PTPN4: variants seen among roughly 807,000 people sequenced by gnomAD.
The protein encoded by PTPN4 is tyrosine-protein phosphatase non-receptor type 4.
PTPN4 carries 49 observed loss-of-function variants against 135.5 expected under a neutral mutation model. The ratio of observed to expected loss-of-function variants is 0.36; its 90% confidence interval spans 0.29 to 0.46. PTPN4 has a LOEUF of 0.46. Ranked by LOEUF, PTPN4 falls within the 20% of genes least tolerant of loss-of-function variation. PTPN4 has a pLI of 1.00. For synonymous variants in PTPN4, 333 were observed against 369.9 expected (o/e 0.90, Z 1.14); for missense variants, 860 against 1,101.0 (o/e 0.78, Z 3.10).
intron 9 of PTPN4, among the ~76,000 whole-genome samples, chr2:119,891,994 C>G (rs1267393707): frequency 6.6e-6 from 1 of 152,156 alleles, no homozygotes; most frequent in African/African-American, 2.4e-5. Flanking sequence ...GACTTCGATT[C>G]TGGCTGCATG....
chr2:119,803,194 C>T (rs115417948), intron 1 of PTPN4, among the ~76,000 whole-genome samples: 1 of 151,810 alleles, frequency 6.6e-6, no homozygotes, highest in Non-Finnish European at 1.5e-5. Context: ...GATTTATGTT[C>T]TTTGTTATTT....
intron 1 of PTPN4, 117 bp downstream of exon 1, chr2:119,760,501 G>A (rs188907106): frequency 9.6e-4 from 371 of 387,168 alleles, no homozygotes; most frequent in African/African-American, 7.1e-3. Context: ...GAGGTACGAG[G>A]ATGATTTGAA....
intron 8 of PTPN4, among the ~76,000 whole-genome samples, chr2:119,884,823 G>A (rs181939171): frequency 7.2e-5 from 11 of 152,232 alleles, no homozygotes; most frequent in African/African-American, 2.6e-4. Flanking sequence ...GAGGAGTCGT[G>A]TTATGATCAT....
chr2:119,771,322 G>C (rs559050581), intron 1 of PTPN4, among the ~76,000 whole-genome samples: 1 of 152,252 alleles, frequency 6.6e-6, no homozygotes, highest in African/African-American at 2.4e-5. Context: ...TTCCTGGCCA[G>C]GGAATTGTGA....
intron 2 of PTPN4, among the ~76,000 whole-genome samples, chr2:119,837,231 T>C (rs1677307998): frequency 6.6e-6 from 1 of 152,194 alleles, no homozygotes; most frequent in Non-Finnish European, 1.5e-5. Context: ...TGTTGGGATT[T>C]ACCAGCTGTG....
Position 119,809,869 on chromosome 2 carries a change from C to G in PTPN4, c.16C>G (p.Arg6Gly), listed in dbSNP as rs1366276778. 5.6e-6 allele frequency: 9 copies of G among 1,609,748 alleles called. No individual in the cohort carries two copies. In the South Asian group the frequency reaches 1.0e-4, roughly 18 times the overall value. ...GTGGACAGTAATGACCTCACGTTTCCGATTGCCTGCTGGCAGAACCTACAA... is the reference window on the plus strand; with the variant it reads ...GTGGACAGTAATGACCTCACGTTTCGGATTGCCTGCTGGCAGAACCTACAA... Reference protein sequence around the residue: MTSRFRLPAGRTYNVR... With the variant: MTSRFGLPAGRTYNVR... Residue 6 changes from arginine to glycine, a missense_variant, in exon 2 of 27, where the codon CGA becomes GGA. Around this residue, in one of 2 missense-constraint regions of PTPN4, gnomAD observed 684 missense variants for 807.0 expected, o/e 0.85. Coordinates refer to ENST00000263708, the MANE Select transcript of PTPN4 (RefSeq NM_002830.4).
In PTPN4 at chr2:119,914,248, A is replaced by ATTTTT. The variant is rs55911315; in HGVS notation, c.765-907_765-903dup. On this transcript the variant is annotated intron_variant, in intron 10 of 26. Coordinates refer to ENST00000263708, the MANE Select transcript of PTPN4 (RefSeq NM_002830.4). ...CATAAATACAGTCAATAGTTACTCA[A>ATTTTT]TTTTTTTTTTTTTTTTTTTTTTTTT... Among the ~76,000 whole-genome samples the ATTTTT allele has an allele frequency of 2.8e-4, 27 of 97,414 alleles. 2 individuals are homozygous for ATTTTT. Among genetic ancestry groups the ATTTTT allele is most frequent in the African/African-American group, 1.3e-3 (23 of 17,054 alleles). 63.9% of individuals were successfully genotyped at this position (97,414 alleles called of 152,430 possible).
At chr2:119,800,856 T>C (rs1301007640) in intron 1 of PTPN4, among the ~76,000 whole-genome samples, 1 of 152,156 alleles carries the variant, frequency 6.6e-6, no homozygotes, top group African/African-American at 2.4e-5. Context: ...GTACCTTTGT[T>C]AAAAATCAGT....
intron 1 of PTPN4, among the ~76,000 whole-genome samples, chr2:119,788,509 G>T (rs1691084641): frequency 1.3e-5 from 2 of 152,028 alleles, no homozygotes; most frequent in Admixed American, 1.3e-4. Context: ...GTAGTAGTAG[G>T]TACATTCACA....
chr2:119,770,171 C>T (rs1690708402), intron 1 of PTPN4, among the ~76,000 whole-genome samples: 2 of 152,154 alleles, frequency 1.3e-5, no homozygotes, highest in South Asian at 4.1e-4. Flanking sequence ...ATAAGACATG[C>T]TCTTTATCAT....
chr2:119,814,028 G>A (rs1417976304), intron 2 of PTPN4, among the ~76,000 whole-genome samples: 4 of 152,004 alleles, frequency 2.6e-5, no homozygotes, highest in African/African-American at 9.7e-5. Flanking sequence ...ATGTATATGT[G>A]TGTGTATGTG....
intron 25 of PTPN4, 71 bp from the exon 26 acceptor site, chr2:119,967,766 T>A (rs1412359113): frequency 3.9e-6 from 5 of 1,271,496 alleles, no homozygotes; most frequent in Non-Finnish European, 5.3e-6. Flanking sequence ...AATTCAGTTT[T>A]ATGCACAAAA....
intron 2 of PTPN4, among the ~76,000 whole-genome samples, chr2:119,831,626 A>G (rs1677221118): frequency 6.6e-6 from 1 of 152,144 alleles, no homozygotes; most frequent in African/African-American, 2.4e-5. Context: ...TGTCCCTGTT[A>G]AACTCTTTAG....
At position 119,923,919 on chromosome 2, in the gene PTPN4, C is replaced by T. The variant is rs531249923; in HGVS notation, c.1002-2679C>T. On this transcript the variant is annotated intron_variant, in intron 12 of 26. Coordinates refer to ENST00000263708, the MANE Select transcript of PTPN4 (RefSeq NM_002830.4). The stretch of plus-strand genomic sequence containing the variant: ...TTGGGAGGTCGAGGCGGGCGGATCA[C>T]GAGGTCAGCAGATCGAGACCATCTT... Among the ~76,000 whole-genome samples the T allele has an allele frequency of 7.2e-5, 11 of 152,078 alleles. 1 individual carries two copies. The East Asian group carries it at 1.4e-3, about 19-fold the overall frequency.
At chr2:119,962,454 CA>C (rs556358919) in intron 23 of PTPN4, among the ~76,000 whole-genome samples, 161 bp from the exon 24 acceptor site, 57 of 107,126 alleles carry the variant, frequency 5.3e-4, no homozygotes, top group African/African-American at 7.0e-4. Flanking sequence ...AACTCCATCG[CA>C]AAAAAAAAAA....
intron 15 of PTPN4, among the ~76,000 whole-genome samples, chr2:119,938,886 T>C (rs1679023438): frequency 6.6e-6 from 1 of 152,142 alleles, no homozygotes; most frequent in Admixed American, 6.5e-5. Flanking sequence ...AAAACAACTT[T>C]CCTCCTTTTT....
intron 2 of PTPN4, among the ~76,000 whole-genome samples, chr2:119,816,630 C>G: frequency 6.6e-6 from 1 of 152,104 alleles, no homozygotes; most frequent in East Asian, 1.9e-4. Context: ...AGTGGGAGCC[C>G]TGAGCTTGTT....
At chr2:119,805,759 C>T (rs543212308) in intron 1 of PTPN4, among the ~76,000 whole-genome samples, 2 of 152,204 alleles carry the variant, frequency 1.3e-5, no homozygotes, top group East Asian at 1.9e-4. Context: ...GTCTTGGCAA[C>T]GTGGGCTCTT....
At chr2:119,812,701 C>G (rs1024850058) in intron 2 of PTPN4, among the ~76,000 whole-genome samples, 1 of 152,188 alleles carries the variant, frequency 6.6e-6, no homozygotes, top group Admixed American at 6.5e-5. Context: ...TTGTCCCTCT[C>G]ATGCCGTGAA....
Sources: gnomAD v4.1 joint callset for allele counts (sites outside exome capture counted in the v4.1 genomes callset) on GRCh38, gnomAD v4.1.1 for gene constraint, gnomAD v4.1.1 regional missense constraint, MANE v1.5 for transcripts, NCBI Gene and HGNC (gene_info 2026-07-23, HGNC 2026-07-21) for gene names.